Variants in IARS1 observed in about 807,000 individuals in gnomAD.
IARS1 encodes the protein isoleucyl-tRNA synthetase 1, also known as isoleucine--tRNA ligase, cytoplasmic.
IARS1 carries 124 observed loss-of-function variants against 168.2 expected under a neutral mutation model. That is an observed-to-expected ratio of 0.74 (90% CI 0.64 to 0.86). The LOEUF (loss-of-function observed/expected upper bound fraction) is 0.86. IARS1 is among the 40% of genes least tolerant of loss of function. The pLI, the probability that IARS1 is intolerant of heterozygous loss-of-function variation, is 0.00. For synonymous variants in IARS1, 532 were observed against 529.4 expected, an observed-to-expected ratio of 1.00 and a Z score of -0.07; for missense variants, 1,452 against 1,515.8, an observed-to-expected ratio of 0.96 and a Z score of 0.70.
chr9:92,214,446 G>A (rs536586779), intron 33 of IARS1, among the ~76,000 whole-genome samples: 16 of 152,202 alleles, frequency 1.1e-4, no homozygotes, highest in Admixed American at 3.9e-4. Context: ...GAACAGCTCC[G>A]GTCTACAACT....
At chr9:92,271,846 C>T (rs561357410) in intron 10 of IARS1, among the ~76,000 whole-genome samples, 191 bp from the exon 11 acceptor site, 1 of 152,146 alleles carries the variant, frequency 6.6e-6, no homozygotes, top group Non-Finnish European at 1.5e-5. Flanking sequence ...GTTAGGTCAC[C>T]CAGTCTAGTC....
At chr9:92,224,788 G>A (rs1179607881) in intron 31 of IARS1, among the ~76,000 whole-genome samples, 1 of 152,102 alleles carries the variant, frequency 6.6e-6, no homozygotes, top group Admixed American at 6.5e-5. Flanking sequence ...AACTATGATT[G>A]AGCCACTGCA....
rs1366333978 is a variant in IARS1 at position 92,215,579 on chromosome 9, G to A, written c.3707-4690C>T. Among the ~76,000 whole-genome samples the A allele has an allele frequency of 2.0e-5, 3 of 151,484 alleles. No individual in the cohort carries two copies. The East Asian group carries it at 5.8e-4, about 29-fold the overall frequency. On this transcript the variant is annotated intron_variant, in intron 33 of 33. Transcript: ENST00000443024. ...AACCAATACAGAGAAGTGCTTAAAG[G>A]AGCTGATGGAGCTGAAAACCAAGGC... is the stretch of plus-strand genomic sequence containing the variant.
intron 33 of IARS1, among the ~76,000 whole-genome samples, chr9:92,217,872 T>C (rs1355821302): frequency 6.6e-6 from 1 of 152,060 alleles, no homozygotes; most frequent in Non-Finnish European, 1.5e-5. Context: ...CCATTCCTTC[T>C]GAAACTATTC....
At chr9:92,293,302 A>G in intron 1 of IARS1, 1 of 267,572 alleles carries the variant, frequency 3.7e-6, no homozygotes, top group African/African-American at 2.4e-5. Flanking sequence ...GTACATCAAT[A>G]AAATAAGTAT....
At chr9:92,274,898 CAT>C (rs150900454) in intron 9 of IARS1, among the ~76,000 whole-genome samples, 4,660 of 152,256 alleles carry the variant, frequency 0.031, 110 homozygotes, top group South Asian at 0.079. Context: ...TCAATCACTG[CAT>C]ATGTTTTGCT....
At chr9:92,248,022 C>A (rs1469995565) in intron 25 of IARS1, among the ~76,000 whole-genome samples, 2 of 152,144 alleles carry the variant, frequency 1.3e-5, no homozygotes, top group Non-Finnish European at 2.9e-5. Context: ...TGCTTAAAAA[C>A]CAGTGATTTG....
Position 92,260,432 on chromosome 9 carries a change from G to C in IARS1, c.1788-198C>G, listed in dbSNP as rs372883447. 4.7e-4 allele frequency among the ~76,000 whole-genome samples: 71 copies of C among 152,270 alleles called. 2 individuals carry two copies. The East Asian group carries it at 0.011, about 23-fold the overall frequency. On this transcript the variant is annotated intron_variant, in intron 17 of 33. Coordinates refer to ENST00000443024, the MANE Select transcript of IARS1 (RefSeq NM_002161.6). ...GCACTTTGGGAGGCTGAGGCAGGCAGATCACCTGAGGTCAGGAGTTCAAGA... is the reference window on the plus strand; with the variant it reads ...GCACTTTGGGAGGCTGAGGCAGGCACATCACCTGAGGTCAGGAGTTCAAGA...
At chr9:92,278,427 T>C (rs1420244555) in intron 7 of IARS1, 141 bp from the exon 8 acceptor site, 4 of 651,058 alleles carry the variant, frequency 6.1e-6, no homozygotes, top group Non-Finnish European at 1.1e-5. Context: ...AGAGAAATAC[T>C]GCAAAGAACA....
At chr9:92,279,687 T>C (rs1676952684) in intron 7 of IARS1, among the ~76,000 whole-genome samples, 1 of 152,252 alleles carries the variant, frequency 6.6e-6, no homozygotes, top group Non-Finnish European at 1.5e-5. Flanking sequence ...GTAACCATTC[T>C]TACACAGAAT....
intron 30 of IARS1, among the ~76,000 whole-genome samples, chr9:92,230,668 A>G (rs774008579): frequency 2.8e-4 from 42 of 152,226 alleles, no homozygotes; most frequent in Non-Finnish European, 5.4e-4. Context: ...TAGAAAGCAC[A>G]TATTTAGTTT....
chr9:92,224,224 C>T (rs921227898), intron 31 of IARS1, among the ~76,000 whole-genome samples: 5 of 152,174 alleles, frequency 3.3e-5, no homozygotes, highest in Admixed American at 1.3e-4. Flanking sequence ...GGCTTTACTG[C>T]ACAATACGCT....
chr9:92,255,755 C>T lies in IARS1; in HGVS notation c.2137+925G>A, dbSNP rs115800030. Among the ~76,000 whole-genome samples the T allele has an allele frequency of 9.7e-3, 1,483 of 152,204 alleles. 22 individuals are homozygous for T. The highest frequency in any genetic ancestry group is 0.031 in the African/African-American group (1,303 of 41,520). On this transcript the variant is annotated intron_variant, in intron 20 of 33. Coordinates refer to ENST00000443024, the MANE Select transcript of IARS1 (RefSeq NM_002161.6). ...CTTAAGCCTTACAAACACTACTGGGCATTCTGCAGATAAAGAAACTGAAGG... is the reference window on the plus strand; with the variant it reads ...CTTAAGCCTTACAAACACTACTGGGTATTCTGCAGATAAAGAAACTGAAGG...
intron 21 of IARS1, among the ~76,000 whole-genome samples, chr9:92,252,099 A>T (rs1830082511): frequency 6.6e-6 from 1 of 152,168 alleles, no homozygotes; most frequent in Non-Finnish European, 1.5e-5. Flanking sequence ...CCTGGCCAGG[A>T]TGTGCACCTG....
chr9:92,229,222 C>G (rs917218774), intron 30 of IARS1, 96 bp from the exon 31 acceptor site: 13 of 1,306,024 alleles, frequency 1.0e-5, no homozygotes, highest in South Asian at 2.8e-5. Flanking sequence ...GGTTCAAGCC[C>G]TAATATTTTT....
At chr9:92,233,811 G>A (rs1827078642) in intron 30 of IARS1, among the ~76,000 whole-genome samples, 1 of 152,142 alleles carries the variant, frequency 6.6e-6, no homozygotes, top group Non-Finnish European at 1.5e-5. Flanking sequence ...GCCCAGGCTG[G>A]AGTATAGTGG....
chr9:92,251,906 ATAAACAT>A lies in IARS1; in HGVS notation c.2230-28_2230-22del, dbSNP rs758820733. The A allele has an allele frequency of 3.3e-6, 5 of 1,525,338 alleles. No individual in the cohort carries two copies. In the South Asian group the frequency reaches 5.6e-5, roughly 17 times the overall value. The allele number at this position is 1,525,338 out of a possible 1,614,324, so 94.5% of individuals were successfully genotyped here. ...TCACCCTAATGAGTAAAAAGGAAAC[ATAAACAT>A]TAAACTGTTAAATAAGTGTTTATCA... On this transcript the variant is annotated intron_variant, in intron 21 of 33. Transcript: ENST00000443024.
chr9:92,252,592 C>T (rs995450497), intron 21 of IARS1, among the ~76,000 whole-genome samples: 1 of 151,640 alleles, frequency 6.6e-6, no homozygotes, highest in Non-Finnish European at 1.5e-5. Flanking sequence ...CGTGGTGAAA[C>T]CCTGTCTCTG....
At chr9:92,238,736 T>C (rs1318891525) in intron 30 of IARS1, among the ~76,000 whole-genome samples, 1 of 152,232 alleles carries the variant, frequency 6.6e-6, no homozygotes, top group Non-Finnish European at 1.5e-5. Context: ...CTTTTCTTAG[T>C]GGTAACTCCA....
Sources: allele counts gnomAD v4.1 joint callset (sites outside exome capture counted in the v4.1 genomes callset), GRCh38; gene constraint gnomAD v4.1.1; transcripts MANE v1.5; gene names NCBI Gene and HGNC (gene_info 2026-07-23, HGNC 2026-07-21).